CAPSL: variants seen among roughly 807,000 people sequenced by gnomAD.
CAPSL encodes the protein calcyphosin-like protein.
In CAPSL, 17 loss-of-function variants were observed where a neutral mutation model predicts 21.3. That is an observed-to-expected ratio of 0.80 (90% CI 0.55 to 1.20). The LOEUF (loss-of-function observed/expected upper bound fraction) is 1.20, where lower values mean the gene tolerates loss of function less well. Ranked by LOEUF, CAPSL falls within the 50% of genes most tolerant of loss-of-function variation. The probability of loss-of-function intolerance (pLI) is 0.00; values close to 1 mark genes in which losing one functional copy is unlikely to be tolerated. For synonymous variants in CAPSL, 102 were observed against 89.3 expected, an observed-to-expected ratio of 1.14 and a Z score of -0.80; for missense variants, 289 against 259.3, an observed-to-expected ratio of 1.11 and a Z score of -0.79.
In CAPSL at chr5:35,910,514, T is replaced by C. The variant is rs374400961; in HGVS notation, c.167A>G (p.Asn56Ser). 7 of 1,610,100 alleles carry C rather than the reference T, an allele frequency of 4.3e-6. No homozygotes were observed. In the Admixed American group the frequency reaches 1.2e-4, roughly 27 times the overall value. Residue 56 changes from asparagine (N) to serine (S), a missense_variant, in exon 3 of 5, where the codon AAT becomes AGT. Coordinates refer to ENST00000651391, the MANE Select transcript of CAPSL (RefSeq NM_001042625.2). Reference protein sequence around the residue: ...RVFRIMDDDNNRTLDFKEFMK... With the variant: ...RVFRIMDDDNSRTLDFKEFMK... ...AAATTCTTTAAAATCAAGGGTTCGATTATTATCGTCATCCATAATTCTAAA... is the reference window on the plus strand; with the variant it reads ...AAATTCTTTAAAATCAAGGGTTCGACTATTATCGTCATCCATAATTCTAAA...
In CAPSL at chr5:35,921,254, T is replaced by C. The variant is rs1039922645; in HGVS notation, c.1-134A>G. On this transcript the variant is annotated intron_variant, in intron 1 of 4. Transcript: ENST00000651391. ...AGGAAACCTCTCAGAATTTCCAATT[T>C]TTCTCTATGCCAACTGTGTGCCTGG... 19 of 1,071,308 alleles carry C rather than the reference T, an allele frequency of 1.8e-5. No individual in the cohort carries two copies. The African/African-American group carries it at 2.9e-4, about 16-fold the overall frequency. 66.4% of individuals were successfully genotyped at this position (1,071,308 alleles called of 1,614,324 possible). A position where few individuals can be genotyped will look rare whatever the true frequency, so the allele number is the denominator to read the frequency against.
chr5:35,920,709 T>C (rs112119599), intron 2 of CAPSL, among the ~76,000 whole-genome samples: 12 of 152,342 alleles, frequency 7.9e-5, no homozygotes, highest in African/African-American at 2.2e-4. Flanking sequence ...GGCATCTCCA[T>C]GCCAGGGCAC....
At chr5:35,910,578 G>C (rs1221701389) in intron 2 of CAPSL, 35 bp from the exon 3 acceptor site, 18 of 1,472,548 alleles carry the variant, frequency 1.2e-5, no homozygotes, top group Non-Finnish European at 1.6e-5. Flanking sequence ...CAGAAGAAAT[G>C]TACAAATAAC....
intron 1 of CAPSL, among the ~76,000 whole-genome samples, chr5:35,931,745 G>A (rs1362517400): frequency 2.0e-5 from 3 of 152,208 alleles, no homozygotes; most frequent in Non-Finnish European, 4.4e-5. Context: ...TTGCAATATA[G>A]AGAAATAAAT....
At chr5:35,925,058 C>T (rs1326615264) in intron 1 of CAPSL, among the ~76,000 whole-genome samples, 1 of 152,262 alleles carries the variant, frequency 6.6e-6, no homozygotes, top group Non-Finnish European at 1.5e-5. Context: ...AGAGGCTGCG[C>T]TCCCGACGCA....
chr5:35,906,566 G>A (rs1194197911), intron 4 of CAPSL, among the ~76,000 whole-genome samples: 1 of 152,132 alleles, frequency 6.6e-6, no homozygotes, highest in Admixed American at 6.6e-5. Context: ...GGAAAGGCCA[G>A]GAAAATCACA....
At position 35,921,002 on chromosome 5, in the gene CAPSL, C is replaced by T; in HGVS notation, c.119G>A (p.Gly40Glu). ...GTCCTACCTGCCAAGTCCTTTGATCCCAGCAGAGCCCCTGGCCAGGCACTG... is the reference window on the plus strand; with the variant it reads ...GTCCTACCTGCCAAGTCCTTTGATCTCAGCAGAGCCCCTGGCCAGGCACTG... ...RLQCLARGSA[G>E]IKGLGRVFRI... Residue 40 changes from glycine (G) to glutamate (E), a missense_variant, in exon 2 of 5, where the codon GGG becomes GAG. Transcript: ENST00000651391. 1 of 1,613,956 alleles carries T rather than the reference C, an allele frequency of 6.2e-7. No individual in the cohort carries two copies.
Position 35,938,077 on chromosome 5 carries a change from C to T in CAPSL, c.-1+464G>A, listed in dbSNP as rs184345537. ...CTGATTCTCAGTTGTCAGTGTATAGCAGAAATAGCATAAGTTTAAGTATCA... is the reference window on the plus strand; with the variant it reads ...CTGATTCTCAGTTGTCAGTGTATAGTAGAAATAGCATAAGTTTAAGTATCA... On this transcript the variant is annotated intron_variant, in intron 1 of 4. Coordinates refer to ENST00000651391, the MANE Select transcript of CAPSL (RefSeq NM_001042625.2). Among the ~76,000 whole-genome samples the T allele has an allele frequency of 4.6e-5, 7 of 152,238 alleles. No individual in the cohort carries two copies. The East Asian group carries it at 1.4e-3, about 29-fold the overall frequency.
At chr5:35,912,530 G>A (rs1315627093) in intron 2 of CAPSL, among the ~76,000 whole-genome samples, 2 of 152,184 alleles carry the variant, frequency 1.3e-5, no homozygotes, top group African/African-American at 2.4e-5. Context: ...GGAACAATCA[G>A]GCAGCAACAT....
At chr5:35,927,684 A>G (rs570723527) in intron 1 of CAPSL, among the ~76,000 whole-genome samples, 8 of 152,326 alleles carry the variant, frequency 5.3e-5, no homozygotes, top group African/African-American at 1.9e-4. Context: ...GAAACTGGGT[A>G]TAAGATTGAA....
chr5:35,938,274 C>A (rs539216680), intron 1 of CAPSL, among the ~76,000 whole-genome samples: 1 of 152,266 alleles, frequency 6.6e-6, no homozygotes, highest in African/African-American at 2.4e-5. Context: ...GTAATGTTTA[C>A]TTCCTTCCCC....
intron 2 of CAPSL, among the ~76,000 whole-genome samples, chr5:35,917,658 T>C (rs1738427829): frequency 6.6e-6 from 1 of 152,046 alleles, no homozygotes; most frequent in South Asian, 2.1e-4. Context: ...TAGGTGGGAA[T>C]TGAACAATGA....
intron 1 of CAPSL, among the ~76,000 whole-genome samples, chr5:35,938,334 T>G (rs1039745795): frequency 3.9e-5 from 6 of 152,172 alleles, no homozygotes. Flanking sequence ...GCATTTTTTT[T>G]GCAAAGATTA....
chr5:35,915,645 T>C (rs907304071), intron 2 of CAPSL, among the ~76,000 whole-genome samples: 2 of 152,136 alleles, frequency 1.3e-5, no homozygotes, highest in South Asian at 4.1e-4. Flanking sequence ...AAAAGGCCTT[T>C]GACAAAATTC....
chr5:35,910,134 T>A (rs1738176781), intron 3 of CAPSL, 59 bp from the exon 4 acceptor site: 2 of 1,390,336 alleles, frequency 1.4e-6, no homozygotes, highest in African/African-American at 2.9e-5. Context: ...TTTTTTGGTA[T>A]CCTATGTGAT....
At chr5:35,913,787 G>A (rs1738296027) in intron 2 of CAPSL, among the ~76,000 whole-genome samples, 1 of 152,186 alleles carries the variant, frequency 6.6e-6, no homozygotes, top group Admixed American at 6.5e-5. Context: ...ATGCTATGAA[G>A]AAACGGCATA....
At chr5:35,908,705 A>G (rs754947248) in intron 4 of CAPSL, among the ~76,000 whole-genome samples, 1 of 152,210 alleles carries the variant, frequency 6.6e-6, no homozygotes, top group Non-Finnish European at 1.5e-5. Context: ...TGGCTGCCCT[A>G]TTGAATTTTG....
chr5:35,914,354 C>T (rs1480175748), intron 2 of CAPSL, among the ~76,000 whole-genome samples: 4 of 152,096 alleles, frequency 2.6e-5, no homozygotes, highest in South Asian at 2.1e-4. Flanking sequence ...CTGCACCAAG[C>T]GGACCTAATA....
chr5:35,910,938 A>G (rs1342593098), intron 2 of CAPSL, among the ~76,000 whole-genome samples: 1 of 152,260 alleles, frequency 6.6e-6, no homozygotes, highest in Non-Finnish European at 1.5e-5. Context: ...GTAAACCTTA[A>G]TGCATATCAA....
Sources: gnomAD v4.1 joint callset for allele counts (sites outside exome capture counted in the v4.1 genomes callset) on GRCh38, gnomAD v4.1.1 for gene constraint, MANE v1.5 for transcripts, NCBI Gene and HGNC (gene_info 2026-07-23, HGNC 2026-07-21) for gene names.